Variants in BMPER observed in about 807,000 individuals in gnomAD.
The protein encoded by BMPER is BMP binding endothelial regulator, also known as BMP-binding endothelial regulator protein.
BMPER carries 45 observed loss-of-function variants against 87.3 expected under a neutral mutation model. The ratio of observed to expected loss-of-function variants is 0.52; its 90% CI spans 0.41 to 0.66. The LOEUF is 0.66. BMPER is among the 30% of genes least tolerant of loss of function. BMPER has a pLI of 0.00. For synonymous variants in BMPER, 326 were observed against 316.2 expected (o/e 1.03, Z -0.33); for missense variants, 784 against 867.5 (o/e 0.90, Z 1.21).
At chr7:34,152,783 G>C (rs762955517) in intron 14 of BMPER, among the ~76,000 whole-genome samples, 1 of 151,894 alleles carries the variant, frequency 6.6e-6, no homozygotes, top group Non-Finnish European at 1.5e-5. Context: ...ATACTATTTA[G>C]TTATTTGTAC....
chr7:34,143,152 A>G, intron 13 of BMPER, 78 bp from the exon 14 acceptor site: 1 of 1,595,608 alleles, frequency 6.3e-7, no homozygotes, highest in Non-Finnish European at 8.5e-7. Context: ...CCCATCTACG[A>G]CCCTTTCTGA....
intron 13 of BMPER, among the ~76,000 whole-genome samples, chr7:34,087,719 C>A (rs886681319): frequency 5.3e-5 from 8 of 152,172 alleles, no homozygotes; most frequent in African/African-American, 1.9e-4. Flanking sequence ...ATCCTGTTTG[C>A]AAATTTGGAT....
chr7:34,085,677 T>A (rs905155152), intron 12 of BMPER, 79 bp from the exon 13 acceptor site: 4 of 1,313,772 alleles, frequency 3.0e-6, no homozygotes, highest in Non-Finnish European at 4.3e-6. Context: ...TCATATGTTC[T>A]GTGTAAGGAT....
At chr7:33,925,870 A>T (rs570266902) in intron 2 of BMPER, among the ~76,000 whole-genome samples, 1 of 152,362 alleles carries the variant, frequency 6.6e-6, no homozygotes, top group East Asian at 1.9e-4. Flanking sequence ...ATTGTATAAC[A>T]GAACTTTTTA....
At chr7:33,999,539 A>C (rs1435124298) in intron 6 of BMPER, among the ~76,000 whole-genome samples, 3 of 152,222 alleles carry the variant, frequency 2.0e-5, no homozygotes, top group Admixed American at 1.3e-4. Flanking sequence ...ATATAGTTTG[A>C]CCACAACTTC....
intron 6 of BMPER, among the ~76,000 whole-genome samples, chr7:34,032,707 G>C (rs1187070851): frequency 2.0e-5 from 3 of 152,152 alleles, no homozygotes; most frequent in Non-Finnish European, 4.4e-5. Context: ...TCATTCTCAA[G>C]TTTTAAGAAT....
At chr7:34,082,117 C>T (rs1371871653) in intron 12 of BMPER, among the ~76,000 whole-genome samples, 1 of 152,148 alleles carries the variant, frequency 6.6e-6, no homozygotes. Context: ...CTGCTGCTCG[C>T]ATCCCCAGAT....
chr7:34,152,755 A>G (rs1165600265), intron 14 of BMPER, among the ~76,000 whole-genome samples: 3 of 152,170 alleles, frequency 2.0e-5, no homozygotes, highest in Admixed American at 6.5e-5. Flanking sequence ...TGAAAGGACT[A>G]TTTGCAGCAG....
intron 2 of BMPER, 135 bp from the exon 3 acceptor site, chr7:33,937,154 A>G (rs1784621857): frequency 5.8e-6 from 5 of 869,340 alleles, no homozygotes; most frequent in African/African-American, 3.3e-5. Flanking sequence ...GCAAAATCCT[A>G]TTTGCTCTCA....
intron 6 of BMPER, among the ~76,000 whole-genome samples, chr7:33,982,815 A>C (rs1052342990): frequency 6.6e-6 from 1 of 152,172 alleles, no homozygotes; most frequent in African/African-American, 2.4e-5. Flanking sequence ...GGCAAAGCTG[A>C]ATTAATTGCC....
chr7:34,011,713 A>G (rs1012866422), intron 6 of BMPER, among the ~76,000 whole-genome samples: 1 of 151,820 alleles, frequency 6.6e-6, no homozygotes, highest in African/African-American at 2.4e-5. Flanking sequence ...AGAAACCTGT[A>G]CCCATCTTAG....
chr7:34,040,175 G>A (rs934400716), intron 6 of BMPER, among the ~76,000 whole-genome samples: 1 of 152,118 alleles, frequency 6.6e-6, no homozygotes, highest in Non-Finnish European at 1.5e-5. Flanking sequence ...TTACTTGCAT[G>A]AAATGTTGGA....
chr7:34,067,227 T>C (rs1788617299), intron 11 of BMPER: 1 of 152,190 alleles, frequency 6.6e-6, no homozygotes, highest in Non-Finnish European at 1.5e-5. Context: ...GCAGGCTGCA[T>C]TGGTGTGCCT....
intron 2 of BMPER, among the ~76,000 whole-genome samples, chr7:33,918,516 G>C (rs1784138993): frequency 1.3e-5 from 2 of 152,208 alleles, no homozygotes; most frequent in African/African-American, 4.8e-5. Context: ...GGTCTCTCCT[G>C]CTTTGTGGAT....
intron 12 of BMPER, among the ~76,000 whole-genome samples, chr7:34,084,090 G>T (rs568180129): frequency 2.8e-4 from 43 of 151,536 alleles, no homozygotes; most frequent in Non-Finnish European, 6.2e-4. Flanking sequence ...GATTGCCTGA[G>T]CTCAGGAGTT....
At position 34,153,450 on chromosome 7, in the gene BMPER, G is replaced by A. The variant is rs1791236555; in HGVS notation, c.*177G>A. 1.5e-6 allele frequency: 1 copy of A among 660,178 alleles called. No individual in the cohort carries two copies. The highest frequency in any genetic ancestry group is 1.8e-5 in the African/African-American group (1 of 54,996). 40.9% of individuals were successfully genotyped at this position (660,178 alleles called of 1,614,324 possible). On this transcript the variant is annotated 3_prime_UTR_variant, in exon 15 of 15. Coordinates refer to ENST00000649409, the MANE Select transcript of BMPER (RefSeq NM_001365308.1). ...CATTGCATCATTTATATGAACTATA[G>A]GGGGATTATTATATGTATATTTTTT... is the stretch of plus-strand genomic sequence containing the variant.
intron 10 of BMPER, among the ~76,000 whole-genome samples, chr7:34,061,241 G>C (rs1788428587): frequency 6.6e-6 from 1 of 151,966 alleles, no homozygotes; most frequent in South Asian, 2.1e-4. Flanking sequence ...TTTTCTCTTT[G>C]ATTAACCACT....
chr7:33,996,564 G>A (rs1209526414), intron 6 of BMPER, among the ~76,000 whole-genome samples: 2 of 152,174 alleles, frequency 1.3e-5, no homozygotes, highest in Non-Finnish European at 2.9e-5. Flanking sequence ...TCTTCAGTAA[G>A]TAGTGACTGC....
intron 14 of BMPER, 107 bp downstream of exon 14, chr7:34,143,467 C>T: frequency 6.6e-7 from 1 of 1,521,840 alleles, no homozygotes; most frequent in Non-Finnish European, 8.9e-7. Context: ...TGCCCCCTTG[C>T]CAGAGGAAAA....
Sources: allele counts gnomAD v4.1 joint callset (sites outside exome capture counted in the v4.1 genomes callset), GRCh38; gene constraint gnomAD v4.1.1; transcripts MANE v1.5; gene names NCBI Gene and HGNC (gene_info 2026-07-23, HGNC 2026-07-21).